SMARCA2: variants seen among roughly 807,000 people sequenced by gnomAD.
SMARCA2 encodes the protein SWI/SNF related BAF chromatin remodeling complex subunit ATPase 2, also known as SWI/SNF-related matrix-associated actin-dependent regulator of chromatin subfamily A member 2.
Under a neutral mutation model 199.8 loss-of-function variants are expected in SMARCA2, and 61 were observed. The ratio of observed to expected loss-of-function variants is 0.31; its 90% CI spans 0.25 to 0.38. SMARCA2 has a LOEUF of 0.38. SMARCA2 is among the 10% of genes least tolerant of loss of function. SMARCA2 has a pLI of 1.00. For missense variants in SMARCA2, 1,344 were observed against 2,012.2 expected, an observed-to-expected ratio of 0.67 and a Z score of 6.35; for synonymous variants, 935 against 732.0, an observed-to-expected ratio of 1.28 and a Z score of -4.48.
At chr9:2,089,525 G>T (rs1173134922) in intron 19 of SMARCA2, among the ~76,000 whole-genome samples, 1 of 152,076 alleles carries the variant, frequency 6.6e-6, no homozygotes, top group African/African-American at 2.4e-5. Context: ...TTTCAAGATG[G>T]TGTACAACGT....
In SMARCA2 at chr9:2,033,534, C is replaced by G. The variant is rs143021439; in HGVS notation, c.355+453C>G. ...AAGGTAAGGTGAACCACCTGTGTCC[C>G]TTGAATTGCATGCTTATCCATTGTC... On this transcript the variant is annotated intron_variant, in intron 3 of 33. Coordinates refer to ENST00000349721, the MANE Select transcript of SMARCA2 (RefSeq NM_003070.5). Among the ~76,000 whole-genome samples the G allele has an allele frequency of 3.7e-3, 561 of 152,340 alleles. 5 individuals carry two copies. The highest frequency in any genetic ancestry group is 0.013 in the African/African-American group (524 of 41,590).
rs573726205 is a variant in SMARCA2 at position 2,145,358 on chromosome 9, G to A, written c.3982-16328G>A. 5.9e-5 allele frequency among the ~76,000 whole-genome samples: 9 copies of A among 151,630 alleles called. No homozygotes were observed. The East Asian group carries it at 1.4e-3, about 23-fold the overall frequency. On this transcript the variant is annotated intron_variant, in intron 27 of 33. Coordinates refer to ENST00000349721, the MANE Select transcript of SMARCA2 (RefSeq NM_003070.5). The stretch of plus-strand genomic sequence containing the variant: ...AGAGAAACCCAAACACTATAGAAAG[G>A]AGAGATATTTTAAGTAAGGAGCAAT...
At chr9:2,173,872 G>A (rs939079481) in intron 29 of SMARCA2, among the ~76,000 whole-genome samples, 2 of 152,200 alleles carry the variant, frequency 1.3e-5, no homozygotes, top group Non-Finnish European at 2.9e-5. Context: ...AGCACACTTT[G>A]GGAAATGCTG....
At chr9:2,164,320 G>A (rs1279024945) in intron 28 of SMARCA2, among the ~76,000 whole-genome samples, 1 of 145,564 alleles carries the variant, frequency 6.9e-6, no homozygotes, top group Non-Finnish European at 1.5e-5. Flanking sequence ...GCATTGCACA[G>A]TGGTTTAGAG....
At chr9:2,058,720 A>T (rs755115016) in intron 8 of SMARCA2, among the ~76,000 whole-genome samples, 2 of 152,210 alleles carry the variant, frequency 1.3e-5, no homozygotes, top group Non-Finnish European at 2.9e-5. Flanking sequence ...TACACATTAC[A>T]GCTTCTCTCA....
At chr9:2,136,904 A>C (rs1586742326) in intron 27 of SMARCA2, among the ~76,000 whole-genome samples, 2 of 152,134 alleles carry the variant, frequency 1.3e-5, no homozygotes, top group African/African-American at 4.8e-5. Context: ...ATTCCTCTGG[A>C]TGTTATTTGC....
At chr9:2,191,127 C>G (rs770208799) in intron 32 of SMARCA2, 139 bp from the exon 33 acceptor site, 14 of 801,502 alleles carry the variant, frequency 1.7e-5, no homozygotes, top group Non-Finnish European at 2.7e-5. Flanking sequence ...CAGAACCACA[C>G]AGAACAGGCA....
intron 14 of SMARCA2, among the ~76,000 whole-genome samples, chr9:2,081,322 G>A (rs905620888): frequency 6.6e-6 from 1 of 152,144 alleles, no homozygotes; most frequent in Non-Finnish European, 1.5e-5. Flanking sequence ...GTGCTGTCTG[G>A]GAACTTTCTC....
chr9:2,062,389 G>A lies in SMARCA2; in HGVS notation c.1692+1403G>A, dbSNP rs1586661947. On this transcript the variant is annotated intron_variant, in intron 9 of 33. Coordinates refer to ENST00000349721, the MANE Select transcript of SMARCA2 (RefSeq NM_003070.5). The stretch of plus-strand genomic sequence containing the variant: ...TAGTGTTTTTAGTATTAAAATTTTT[G>A]TATTTTACATTTCTTTGTGATTAAA... Among the ~76,000 whole-genome samples the A allele has an allele frequency of 6.6e-5, 10 of 152,176 alleles. 1 individual carries two copies.
chr9:2,104,288 T>C lies in SMARCA2; in HGVS notation c.3292+119T>C, dbSNP rs535147657. On this transcript the variant is annotated intron_variant, in intron 23 of 33. Transcript: ENST00000349721. This position sits in a 1 kb window ranked among gnomAD's most constrained non-coding sequence, Gnocchi z 4.0. The stretch of plus-strand genomic sequence containing the variant: ...AAAATTGAAGAATTGACTAGAAGCA[T>C]TGGGAGCAGTTTTTCTAGATAGCAA... The C allele has an allele frequency of 9.1e-5, 84 of 920,468 alleles. No individual in the cohort carries two copies. In the African/African-American group the frequency reaches 1.2e-3, roughly 13 times the overall value. 57.0% of individuals were successfully genotyped at this position (920,468 alleles called of 1,614,324 possible).
chr9:2,078,181 G>C (rs1027418953), intron 14 of SMARCA2, among the ~76,000 whole-genome samples: 2 of 152,130 alleles, frequency 1.3e-5, no homozygotes, highest in Admixed American at 6.5e-5. Context: ...TTTTTCTTAA[G>C]ACACAATAGG....
chr9:2,040,996 C>A, intron 4 of SMARCA2: 1 of 190,488 alleles, frequency 5.2e-6, no homozygotes, highest in East Asian at 1.2e-4. Context: ...GACGTTGATA[C>A]CATTTCCTCT....
At chr9:2,070,692 G>A (rs1004443635) in intron 10 of SMARCA2, among the ~76,000 whole-genome samples, 3 of 152,306 alleles carry the variant, frequency 2.0e-5, no homozygotes, top group Admixed American at 1.3e-4. Flanking sequence ...GATATTAAAT[G>A]TCTTGCATAG....
intron 5 of SMARCA2, among the ~76,000 whole-genome samples, chr9:2,050,803 A>T (rs1820084659): frequency 6.6e-6 from 1 of 152,208 alleles, no homozygotes. Context: ...CTGTTCAGAT[A>T]ACTCTCCTAC....
intron 29 of SMARCA2, among the ~76,000 whole-genome samples, chr9:2,173,539 T>C (rs1264643096): frequency 6.6e-6 from 1 of 152,176 alleles, no homozygotes; most frequent in Non-Finnish European, 1.5e-5. Context: ...TGAAGCACCT[T>C]TTTTCATTCA....
intron 19 of SMARCA2, among the ~76,000 whole-genome samples, chr9:2,090,508 T>C (rs1477839968): frequency 6.6e-6 from 1 of 152,206 alleles, no homozygotes; most frequent in Admixed American, 6.5e-5. Flanking sequence ...GGTCTTAGTG[T>C]TCTCATCAGT....
At chr9:2,087,875 T>C (rs1253277995) in intron 18 of SMARCA2, among the ~76,000 whole-genome samples, 1 of 152,108 alleles carries the variant, frequency 6.6e-6, no homozygotes, top group Non-Finnish European at 1.5e-5. Flanking sequence ...GAAAGTAGTG[T>C]CAATCAACTC....
intron 27 of SMARCA2, among the ~76,000 whole-genome samples, chr9:2,127,841 G>C (rs575506447): frequency 6.6e-6 from 1 of 152,256 alleles, no homozygotes; most frequent in African/African-American, 2.4e-5. Flanking sequence ...TTGTAATCAT[G>C]GCATGCTAAA....
At chr9:2,089,921 A>G (rs901907895) in intron 19 of SMARCA2, among the ~76,000 whole-genome samples, 9 of 152,294 alleles carry the variant, frequency 5.9e-5, no homozygotes, top group African/African-American at 1.4e-4. Flanking sequence ...TACAAGAGGT[A>G]TAAAATAAAA....
Sources: gnomAD v4.1 joint callset for allele counts (sites outside exome capture counted in the v4.1 genomes callset) on GRCh38, gnomAD v4.1.1 for gene constraint, Gnocchi (gnomAD v3.1) non-coding constraint, MANE v1.5 for transcripts, NCBI Gene and HGNC (gene_info 2026-07-23, HGNC 2026-07-21) for gene names.